PCDHA6: variants seen among roughly 807,000 people sequenced by gnomAD.
The protein encoded by PCDHA6 is protocadherin alpha-6.
Under a neutral mutation model 60.3 loss-of-function variants are expected in PCDHA6, and 55 were observed. The observed-to-expected ratio is 0.91, with a 90% CI of 0.73 to 1.14. The LOEUF (loss-of-function observed/expected upper bound fraction) is 1.14. Ranked by LOEUF, PCDHA6 falls within the 50% of genes most tolerant of loss-of-function variation. The pLI is 0.00. For missense variants in PCDHA6, 1,327 were observed against 1,256.5 expected, an observed-to-expected ratio of 1.06 and a Z score of -0.85; for synonymous variants, 652 against 557.9, an observed-to-expected ratio of 1.17 and a Z score of -2.38.
rs144072974 is a variant in PCDHA6 at position 140,938,897 on chromosome 5, G to GCA, written c.2395-40040_2395-40039dup. 1.4e-3 allele frequency among the ~76,000 whole-genome samples: 215 copies of GCA among 151,312 alleles called. 3 individuals carry two copies. The East Asian group carries it at 0.032, about 22-fold the overall frequency. Reference sequence around the variant, plus strand: ...AAGCAACACACACACACACAGATGCGCACACACACACACGCACAAGAAATT... The same window carrying GCA: ...AAGCAACACACACACACACAGATGCGCACACACACACACACGCACAAGAAATT... On this transcript the variant is annotated intron_variant, in intron 1 of 3. Coordinates refer to ENST00000529310, the MANE Select transcript of PCDHA6 (RefSeq NM_018909.4).
chr5:140,881,480 TTG>T, intron 1 of PCDHA6: 2 of 445,316 alleles, frequency 4.5e-6, no homozygotes, highest in Non-Finnish European at 5.9e-6. Context: ...GGCTAAATTA[TTG>T]TGTTTATGCA....
chr5:140,870,085 C>A, intron 1 of PCDHA6: 1 of 1,613,862 alleles, frequency 6.2e-7, no homozygotes, highest in Non-Finnish European at 8.5e-7. Context: ...GGGGACTCCC[C>A]CAATGGCAGG....
intron 1 of PCDHA6, chr5:140,928,541 AC>A: frequency 3.7e-6 from 6 of 1,614,192 alleles, no homozygotes; most frequent in Non-Finnish European, 5.1e-6. Context: ...GATAGGAATG[AC>A]AATTATCCGG....
intron 1 of PCDHA6, among the ~76,000 whole-genome samples, chr5:140,880,397 A>C (rs1420314604): frequency 6.6e-6 from 1 of 152,246 alleles, no homozygotes; most frequent in Non-Finnish European, 1.5e-5. Context: ...TTTTAAGAGC[A>C]TATGGTTGAC....
chr5:140,952,406 T>G (rs2094740405), intron 1 of PCDHA6, among the ~76,000 whole-genome samples: 1 of 151,900 alleles, frequency 6.6e-6, no homozygotes, highest in Admixed American at 6.6e-5. Flanking sequence ...ATTCTCAAAT[T>G]TAATGTTCCG....
intron 3 of PCDHA6, among the ~76,000 whole-genome samples, chr5:140,983,788 C>T (rs1319880543): frequency 6.6e-6 from 1 of 152,144 alleles, no homozygotes; most frequent in Non-Finnish European, 1.5e-5. Context: ...TAACAGATGA[C>T]AGAATGTGTG....
Position 140,843,067 on chromosome 5 carries a change from G to A in PCDHA6, c.2394+12582G>A, listed in dbSNP as rs143344890. 15 of 1,595,152 alleles carry A rather than the reference G, an allele frequency of 9.4e-6. 1 individual carries two copies. The African/African-American group carries it at 2.0e-4, about 21-fold the overall frequency. ...GTGGCGCAGCGAGCAAGCTGGTGCC[G>A]CGGTCTGTGGGCGCGGGCCACGTGG... On this transcript the variant is annotated intron_variant, in intron 1 of 3. Coordinates refer to ENST00000529310, the MANE Select transcript of PCDHA6 (RefSeq NM_018909.4).
chr5:140,862,092 C>G (rs987479365), intron 1 of PCDHA6: 1 of 156,922 alleles, frequency 6.4e-6, no homozygotes, highest in African/African-American at 2.4e-5. Context: ...AGCCCTTTTT[C>G]GCATAGATTC....
intron 1 of PCDHA6, chr5:140,878,062 T>C (rs1180266527): frequency 2.5e-6 from 1 of 403,164 alleles, no homozygotes; most frequent in East Asian, 4.6e-5. Context: ...ACACTTAATA[T>C]TTTTCTTTTT....
chr5:140,842,998 T>G (rs2150349585), intron 1 of PCDHA6: 5 of 1,594,952 alleles, frequency 3.1e-6, no homozygotes, highest in Non-Finnish European at 4.3e-6. Flanking sequence ...TGGACGAGAA[T>G]GACAACGCGC....
chr5:140,905,334 C>A (rs2071752505), intron 1 of PCDHA6, among the ~76,000 whole-genome samples: 1 of 152,144 alleles, frequency 6.6e-6, no homozygotes, highest in East Asian at 1.9e-4. Context: ...TGTTGAAGAT[C>A]AGTTGGCTGT....
intron 1 of PCDHA6, chr5:140,842,313 C>A: frequency 6.2e-7 from 1 of 1,607,028 alleles, no homozygotes; most frequent in Non-Finnish European, 8.5e-7. Context: ...CCTCCCATGG[C>A]GGGTCATTGC....
chr5:140,876,120 T>C (rs782687154), intron 1 of PCDHA6: 15 of 1,613,844 alleles, frequency 9.3e-6, no homozygotes, highest in East Asian at 6.7e-5. Context: ...TGGTAATCGA[T>C]GGCGGTAAAC....
intron 1 of PCDHA6, among the ~76,000 whole-genome samples, chr5:140,941,259 T>TTCTTTC (rs1554214225): frequency 1.2e-3 from 146 of 121,812 alleles, no homozygotes; most frequent in African/African-American, 3.7e-3. Flanking sequence ...TTCTTTCTCT[T>TTCTTTC]TCTTTCTTTC....
At chr5:140,914,488 G>T (rs1437401245) in intron 1 of PCDHA6, among the ~76,000 whole-genome samples, 1 of 152,080 alleles carries the variant, frequency 6.6e-6, no homozygotes, top group Non-Finnish European at 1.5e-5. Flanking sequence ...AGTGTTTCTT[G>T]TGGGCAACAG....
At chr5:140,965,994 T>C (rs1377339531) in intron 1 of PCDHA6, among the ~76,000 whole-genome samples, 1 of 152,130 alleles carries the variant, frequency 6.6e-6, no homozygotes, top group Non-Finnish European at 1.5e-5. Context: ...TCTGCAGTAC[T>C]TAAGAGTGTC....
chr5:140,901,899 T>C (rs1439841120), intron 1 of PCDHA6, among the ~76,000 whole-genome samples: 2 of 152,152 alleles, frequency 1.3e-5, no homozygotes, highest in Non-Finnish European at 2.9e-5. Flanking sequence ...ATATTTTTCA[T>C]TGTGGAGATC....
rs781874469 is a variant in PCDHA6 at position 140,967,699 on chromosome 5, T to A, written c.2395-11250T>A. On this transcript the variant is annotated intron_variant, in intron 1 of 3. Coordinates refer to ENST00000529310, the MANE Select transcript of PCDHA6 (RefSeq NM_018909.4). ...GGGAGAGGCAGCTCTTCAGCATAGA[T>A]GCCAGTACCGGGGAAGTGCGAGTAA... The A allele has an allele frequency of 1.2e-6, 2 of 1,614,154 alleles. No individual in the cohort carries two copies. Among genetic ancestry groups the A allele is most frequent in the Non-Finnish European group, 1.7e-6 (2 of 1,180,034 alleles).
At chr5:140,836,639 G>A in intron 1 of PCDHA6, 1 of 1,613,412 alleles carries the variant, frequency 6.2e-7, no homozygotes. Context: ...CATTCTCCCA[G>A]CAGAGGCGGC....
Sources: gnomAD v4.1 joint callset for allele counts (sites outside exome capture counted in the v4.1 genomes callset) on GRCh38, gnomAD v4.1.1 for gene constraint, MANE v1.5 for transcripts, NCBI Gene and HGNC (gene_info 2026-07-23, HGNC 2026-07-21) for gene names.